CEP164: variants seen among roughly 807,000 people sequenced by gnomAD.
The protein encoded by CEP164 is centrosomal protein 164.
Under a neutral mutation model 182.7 loss-of-function variants are expected in CEP164, and 162 were observed. That is an observed-to-expected ratio of 0.89 (90% CI 0.78 to 1.01). CEP164 has a LOEUF of 1.01. Among genes scored for constraint, CEP164 ranks in the 50% least tolerant of loss-of-function variants. The pLI is 0.00. For missense variants in CEP164, 1,735 were observed against 1,790.4 expected (o/e 0.97, Z 0.56); for synonymous variants, 661 against 690.0 (o/e 0.96, Z 0.66).
intron 27 of CEP164, among the ~76,000 whole-genome samples, chr11:117,397,665 G>C (rs1327288254): frequency 1.3e-5 from 2 of 152,168 alleles, no homozygotes; most frequent in Admixed American, 6.5e-5. Flanking sequence ...GTGGCAGCAA[G>C]AGAAAATGAG....
At chr11:117,388,771 C>CT (rs5795077) in intron 15 of CEP164, among the ~76,000 whole-genome samples, 340 of 142,798 alleles carry the variant, frequency 2.4e-3, no homozygotes, top group Non-Finnish European at 3.5e-3. Flanking sequence ...AATTTTCTCT[C>CT]TTTTTTTTTT....
intron 4 of CEP164, among the ~76,000 whole-genome samples, chr11:117,350,340 A>G (rs2039465996): frequency 6.6e-6 from 1 of 152,084 alleles, no homozygotes; most frequent in Non-Finnish European, 1.5e-5. Context: ...AGTAACTGGG[A>G]CTACAGACGT....
chr11:117,395,499 T>C (rs751467832), intron 23 of CEP164, 48 bp from the exon 24 acceptor site: 2 of 1,553,156 alleles, frequency 1.3e-6, no homozygotes, highest in Non-Finnish European at 1.7e-6. Context: ...CTCCCTGGCT[T>C]CTCTCTGTGC....
At chr11:117,331,988 A>ATATG (rs2036290890) in intron 1 of CEP164, among the ~76,000 whole-genome samples, 1 of 148,594 alleles carries the variant, frequency 6.7e-6, no homozygotes, top group African/African-American at 2.5e-5. Flanking sequence ...GCTAATATAT[A>ATATG]TATATATATA....
chr11:117,352,256 C>T (rs2039733938), intron 5 of CEP164, among the ~76,000 whole-genome samples: 1 of 152,128 alleles, frequency 6.6e-6, no homozygotes, highest in African/African-American at 2.4e-5. Context: ...AGAGAGAGTG[C>T]TCTTCTGAGA....
chr11:117,334,130 G>A (rs567255037), intron 1 of CEP164, among the ~76,000 whole-genome samples: 1 of 152,112 alleles, frequency 6.6e-6, no homozygotes, highest in Non-Finnish European at 1.5e-5. Context: ...CTTCCCAGAC[G>A]AGCTCAAGAG....
chr11:117,398,047 AAGCT>A (rs2045702677), intron 27 of CEP164, among the ~76,000 whole-genome samples: 1 of 152,242 alleles, frequency 6.6e-6, no homozygotes, highest in African/African-American at 2.4e-5. Context: ...AATAAAAAAC[AAGCT>A]ACTGACTTTC....
chr11:117,410,050 C>T (rs1419378478), intron 30 of CEP164, 85 bp downstream of exon 30: 1 of 1,250,968 alleles, frequency 8.0e-7, no homozygotes, highest in Admixed American at 1.8e-5. Flanking sequence ...TTCTCCTGCT[C>T]CTTTTCTCCT....
rs961483585 is a variant in CEP164 at position 117,411,588 on chromosome 11, G to C, written c.4164-207G>C. The C allele has an allele frequency of 5.1e-6, 3 of 586,566 alleles. No individual in the cohort carries two copies. Among genetic ancestry groups the C allele is most frequent in the Non-Finnish European group, 8.6e-6 (3 of 347,542 alleles). 36.3% of individuals were successfully genotyped at this position (586,566 alleles called of 1,614,324 possible). ...TTGTATCAGTAGCACCCAGCAAGGG[G>C]GCAGAGGGCCTCCACCACTTTCCCG... On this transcript the variant is annotated intron_variant, in intron 31 of 32. Transcript: ENST00000278935. The surrounding 1 kb of genome is among the most constrained non-coding windows in gnomAD (Gnocchi z 4.4).
At chr11:117,354,592 T>G (rs1342591873) in intron 5 of CEP164, among the ~76,000 whole-genome samples, 2 of 152,198 alleles carry the variant, frequency 1.3e-5, no homozygotes, top group Non-Finnish European at 2.9e-5. Flanking sequence ...GAGCAAGGTT[T>G]GCAAACCATT....
intron 27 of CEP164, among the ~76,000 whole-genome samples, 200 bp downstream of exon 27, chr11:117,397,513 A>G (rs2045634821): frequency 6.6e-6 from 1 of 152,252 alleles, no homozygotes; most frequent in African/African-American, 2.4e-5. Flanking sequence ...TTTAAACCTC[A>G]TGATAACACT....
intron 5 of CEP164, 68 bp from the exon 6 acceptor site, chr11:117,361,767 A>T: frequency 6.5e-7 from 1 of 1,529,066 alleles, no homozygotes; most frequent in Non-Finnish European, 9.0e-7. Flanking sequence ...TTATTTTTAT[A>T]TCTGTCTCCG....
At chr11:117,379,852 C>CTTT (rs58534321) in intron 11 of CEP164, among the ~76,000 whole-genome samples, 7 of 116,910 alleles carry the variant, frequency 6.0e-5, no homozygotes, top group Admixed American at 2.7e-4. Flanking sequence ...ATAGTTCTTC[C>CTTT]TTTTTTTTTT....
intron 11 of CEP164, among the ~76,000 whole-genome samples, chr11:117,379,852 CTTTTT>C (rs58534321): frequency 1.4e-4 from 16 of 116,914 alleles, no homozygotes; most frequent in Admixed American, 1.1e-3. Context: ...ATAGTTCTTC[CTTTTT>C]TTTTTTTTTT....
chr11:117,405,363 C>T (rs1465794029), intron 27 of CEP164, among the ~76,000 whole-genome samples: 1 of 152,152 alleles, frequency 6.6e-6, no homozygotes, highest in Non-Finnish European at 1.5e-5. Flanking sequence ...AATGCACTGT[C>T]CCCCAAGTCA....
At chr11:117,362,636 A>C in intron 7 of CEP164, 98 bp downstream of exon 7, 2 of 1,411,620 alleles carry the variant, frequency 1.4e-6, no homozygotes, top group Non-Finnish European at 9.6e-7. Context: ...ATGTAACATA[A>C]AATTTGCCCT....
intron 1 of CEP164, among the ~76,000 whole-genome samples, chr11:117,328,376 T>G (rs1169891597): frequency 6.6e-6 from 1 of 152,260 alleles, no homozygotes; most frequent in Non-Finnish European, 1.5e-5. Context: ...CCCAATCTTA[T>G]GCCATCTTTG....
chr11:117,358,563 G>C (rs2135588591), intron 5 of CEP164, among the ~76,000 whole-genome samples: 1 of 134,692 alleles, frequency 7.4e-6, no homozygotes, highest in South Asian at 2.8e-4. Context: ...TTTTTTAAGA[G>C]ACCAGAGTTT....
chr11:117,338,032 C>T (rs2135033255), intron 2 of CEP164, among the ~76,000 whole-genome samples: 1 of 152,220 alleles, frequency 6.6e-6, no homozygotes, highest in South Asian at 2.1e-4. Flanking sequence ...TTGCCCTTAT[C>T]TTAGCACTCT....
Sources: allele counts gnomAD v4.1 joint callset (sites outside exome capture counted in the v4.1 genomes callset), GRCh38; gene constraint gnomAD v4.1.1; non-coding constraint Gnocchi (gnomAD v3.1); transcripts MANE v1.5; gene names NCBI Gene and HGNC (gene_info 2026-07-23, HGNC 2026-07-21).